Variants in CACNB2 observed in about 807,000 individuals in gnomAD.
CACNB2 encodes calcium voltage-gated channel auxiliary subunit beta 2, also known as voltage-dependent L-type calcium channel subunit beta-2.
A neutral mutation model predicts 73.3 loss-of-function variants in CACNB2; 42 were observed. That is an observed-to-expected ratio of 0.57 (90% CI 0.45 to 0.74). The LOEUF is 0.74. Among genes scored for constraint, CACNB2 ranks in the 30% least tolerant of loss-of-function variants. The pLI, the probability that CACNB2 is intolerant of heterozygous loss-of-function variation, is 0.00. For missense variants in CACNB2, 940 were observed against 853.0 expected (o/e 1.10, Z -1.27); for synonymous variants, 348 against 310.3 (o/e 1.12, Z -1.28).
chr10:18,470,598 T>C (rs1351516778), intron 3 of CACNB2, among the ~76,000 whole-genome samples: 1 of 152,024 alleles, frequency 6.6e-6, no homozygotes, highest in Non-Finnish European at 1.5e-5. Context: ...TAAACCTGCT[T>C]CAGTTGCATT....
intron 12 of CACNB2, among the ~76,000 whole-genome samples, chr10:18,537,104 C>A (rs546157252): frequency 6.6e-6 from 1 of 152,080 alleles, no homozygotes; most frequent in Non-Finnish European, 1.5e-5. Context: ...CCTCCCACCT[C>A]GGCCCTCCAA....
At chr10:18,524,402 T>C (rs971762362) in intron 9 of CACNB2, among the ~76,000 whole-genome samples, 2 of 152,064 alleles carry the variant, frequency 1.3e-5, no homozygotes, top group African/African-American at 2.4e-5. Flanking sequence ...TCACCTGTAA[T>C]CCCAGCACTT....
chr10:18,450,692 G>A (rs921792877), intron 3 of CACNB2, among the ~76,000 whole-genome samples: 8 of 146,076 alleles, frequency 5.5e-5, no homozygotes, highest in African/African-American at 1.5e-4. Context: ...GTGCCATCTC[G>A]GCTCACTGCA....
chr10:18,293,346 G>A (rs764687912), intron 2 of CACNB2, among the ~76,000 whole-genome samples: 3 of 152,142 alleles, frequency 2.0e-5, no homozygotes, highest in East Asian at 1.9e-4. Flanking sequence ...CTCCTTATAC[G>A]GATGGGTCCA....
intron 3 of CACNB2, among the ~76,000 whole-genome samples, chr10:18,463,361 T>TA (rs34004367): frequency 0.16 from 24,286 of 147,486 alleles, 2,356 homozygotes; most frequent in African/African-American, 0.27. Flanking sequence ...TCTTATCTAT[T>TA]AAAAAAAAAA....
chr10:18,488,824 GGA>G (rs1026462390), intron 3 of CACNB2, among the ~76,000 whole-genome samples: 1 of 151,624 alleles, frequency 6.6e-6, no homozygotes, highest in Non-Finnish European at 1.5e-5. Context: ...CACAGGCTTT[GGA>G]GAGAGAGAGA....
intron 2 of CACNB2, among the ~76,000 whole-genome samples, chr10:18,345,330 G>A (rs936427948): frequency 2.0e-5 from 3 of 152,080 alleles, no homozygotes; most frequent in Non-Finnish European, 2.9e-5. Flanking sequence ...GCAGTATTAT[G>A]TATTAATGAT....
chr10:18,490,919 G>A (rs1589524127), intron 3 of CACNB2, among the ~76,000 whole-genome samples: 1 of 152,012 alleles, frequency 6.6e-6, no homozygotes, highest in Admixed American at 6.6e-5. Context: ...ATTAACTAGA[G>A]TGCACCTCAG....
intron 3 of CACNB2, among the ~76,000 whole-genome samples, chr10:18,463,520 T>C (rs1239487115): frequency 1.3e-5 from 2 of 152,130 alleles, no homozygotes; most frequent in Admixed American, 6.5e-5. Flanking sequence ...GTTCAAGTGA[T>C]TGTCCTACAT....
intron 2 of CACNB2, among the ~76,000 whole-genome samples, chr10:18,391,111 G>T (rs370794810): frequency 1.6e-4 from 24 of 152,220 alleles, no homozygotes; most frequent in African/African-American, 4.6e-4. Context: ...GGAGTGGCTT[G>T]CTTGTTATGA....
At chr10:18,239,325 G>A (rs900705507) in intron 2 of CACNB2, among the ~76,000 whole-genome samples, 2 of 151,878 alleles carry the variant, frequency 1.3e-5, no homozygotes, top group African/African-American at 4.8e-5. Flanking sequence ...CCACCTTTCC[G>A]AGTCTCCAGT....
intron 2 of CACNB2, among the ~76,000 whole-genome samples, chr10:18,268,616 T>C (rs936814156): frequency 6.6e-6 from 1 of 152,230 alleles, no homozygotes; most frequent in Non-Finnish European, 1.5e-5. Context: ...ACTTTACCAG[T>C]ATACGAACAG....
chr10:18,306,393 C>T (rs1033364320), intron 2 of CACNB2, among the ~76,000 whole-genome samples: 8 of 151,992 alleles, frequency 5.3e-5, no homozygotes, highest in African/African-American at 9.7e-5. Context: ...TAGAGGGTAG[C>T]GGAACACATA....
chr10:18,533,967 G>T (rs1017908253), intron 10 of CACNB2, 109 bp from the exon 11 acceptor site: 12 of 960,748 alleles, frequency 1.2e-5, no homozygotes, highest in Non-Finnish European at 2.0e-5. Context: ...TTGCCTGTAA[G>T]CATTAACATA....
intron 3 of CACNB2, among the ~76,000 whole-genome samples, chr10:18,485,914 A>ATT (rs11317567): frequency 1.4e-5 from 2 of 138,494 alleles, no homozygotes; most frequent in African/African-American, 2.6e-5. Context: ...GATCTGGGTC[A>ATT]TTTTTTTTTT....
chr10:18,358,695 T>C, intron 2 of CACNB2, among the ~76,000 whole-genome samples: 1 of 151,862 alleles, frequency 6.6e-6, no homozygotes, highest in Admixed American at 6.6e-5. Flanking sequence ...AGCAATAGAG[T>C]ATGATAGACA....
At chr10:18,327,744 A>G (rs1024959548) in intron 2 of CACNB2, among the ~76,000 whole-genome samples, 5 of 152,078 alleles carry the variant, frequency 3.3e-5, no homozygotes, top group Admixed American at 6.6e-5. Flanking sequence ...CATGTTTTCA[A>G]TGACCACATT....
At chr10:18,402,091 C>G in intron 3 of CACNB2, 48 bp downstream of exon 3, 1 of 1,593,196 alleles carries the variant, frequency 6.3e-7, no homozygotes. Context: ...TGTGCTGTGC[C>G]CCTGATAGAC....
In CACNB2 at chr10:18,140,861, C is replaced by A. The variant is rs1331564942; in HGVS notation, c.120+5C>A. The A allele has an allele frequency of 6.9e-6, 11 of 1,595,160 alleles. No homozygotes were observed. Among genetic ancestry groups the A allele is most frequent in the African/African-American group, 2.7e-5 (2 of 74,922 alleles). ...GCGCTCGGAGCCGCCGCACAGGTAG[C>A]GAGAGCGCGGCGCCTTCTCCTTCCT... On this transcript the variant is annotated splice_donor_5th_base_variant and intron_variant, in intron 1 of 13. Coordinates refer to ENST00000324631, the MANE Select transcript of CACNB2 (RefSeq NM_201596.3).
Sources: allele counts gnomAD v4.1 joint callset (sites outside exome capture counted in the v4.1 genomes callset), GRCh38; gene constraint gnomAD v4.1.1; transcripts MANE v1.5; gene names NCBI Gene and HGNC (gene_info 2026-07-23, HGNC 2026-07-21).